The following DAB2 variants were observed in gnomAD, a reference collection of about 807,000 sequenced individuals.
DAB2 encodes the protein disabled homolog 2.
Under a neutral mutation model 71.6 loss-of-function variants are expected in DAB2, and 28 were observed. The observed-to-expected ratio is 0.39, with a 90% CI of 0.29 to 0.54. The LOEUF (loss-of-function observed/expected upper bound fraction) is 0.54, where lower values mean the gene tolerates loss of function less well. Ranked by LOEUF, DAB2 falls within the 20% of genes least tolerant of loss-of-function variation. The probability of loss-of-function intolerance (pLI) is 0.68; values close to 1 mark genes in which losing one functional copy is unlikely to be tolerated. For missense variants in DAB2, 867 were observed against 928.8 expected, an observed-to-expected ratio of 0.93 and a Z score of 0.86; for synonymous variants, 345 against 339.7, an observed-to-expected ratio of 1.02 and a Z score of -0.17.
intron 4 of DAB2, 165 bp downstream of exon 4, chr5:39,392,200 T>G (rs1385123315): frequency 3.1e-6 from 2 of 641,826 alleles, no homozygotes; most frequent in East Asian, 5.6e-5. Context: ...ATCTTGACTT[T>G]TACCTCCTAT....
At chr5:39,387,080 T>C (rs1331074589) in intron 9 of DAB2, among the ~76,000 whole-genome samples, 1 of 152,208 alleles carries the variant, frequency 6.6e-6, no homozygotes, top group African/African-American at 2.4e-5. Flanking sequence ...TGCATTGTGA[T>C]ACTCATATGG....
chr5:39,392,532 A>T (rs1480648726), intron 3 of DAB2, 69 bp from the exon 4 acceptor site: 1 of 1,208,938 alleles, frequency 8.3e-7, no homozygotes, highest in African/African-American at 1.5e-5. Context: ...TAATATTAAA[A>T]TTTTCAAAGT....
intron 11 of DAB2, among the ~76,000 whole-genome samples, chr5:39,379,443 CAA>C (rs33949918): frequency 2.8e-5 from 2 of 72,526 alleles, no homozygotes; most frequent in Middle Eastern, 0.013. Context: ...GACTCTGTCT[CAA>C]AAAAAAAAAA....
At chr5:39,385,518 C>T (rs1332874247) in intron 9 of DAB2, 1 of 152,140 alleles carries the variant, frequency 6.6e-6, no homozygotes, top group Non-Finnish European at 1.5e-5. Context: ...AACTGAGAGC[C>T]CAAAGACTCC....
chr5:39,389,920 C>T lies in DAB2; in HGVS notation c.475G>A (p.Val159Ile). ...IKTGQQAEPL[V>I]VDLKDLFQVI... ...TGAAAAAGGTCTTTAAGATCAACAA[C>T]TAATGGTTCAGCCTGCAGTAAGGGA... Residue 159 changes from valine (V) to isoleucine (I), a missense_variant, in exon 6 of 15, where the codon GTT becomes ATT. This residue lies in a region of DAB2 where 740 missense variants were observed against 734.3 expected (regional missense o/e 1.01). Coordinates refer to ENST00000320816, the MANE Select transcript of DAB2 (RefSeq NM_001343.4). 3 of 1,593,708 alleles carry T rather than the reference C, an allele frequency of 1.9e-6. No individual in the cohort carries two copies. The highest frequency in any genetic ancestry group is 2.6e-6 in the Non-Finnish European group (3 of 1,168,748).
At position 39,420,020 on chromosome 5, in the gene DAB2, G is replaced by A. The variant is rs149654737; in HGVS notation, c.-102+4784C>T. On this transcript the variant is annotated intron_variant, in intron 1 of 14. Transcript: ENST00000320816. ...CCACTGAATTATGAAAGTTACTCTT[G>A]GATCACGTGGTGGAGAGCTAGTTTA... Among the ~76,000 whole-genome samples the A allele has an allele frequency of 2.6e-3, 390 of 152,310 alleles. 13 individuals are homozygous for A. The South Asian group carries it at 0.04, about 15-fold the overall frequency.
chr5:39,391,807 G>C (rs1249450011), intron 4 of DAB2, among the ~76,000 whole-genome samples: 5 of 151,988 alleles, frequency 3.3e-5, no homozygotes, highest in Non-Finnish European at 5.9e-5. Context: ...GGTTACATCT[G>C]TGAGGTGAGA....
chr5:39,393,294 C>A lies in DAB2; in HGVS notation c.191G>T (p.Arg64Ile). The A allele has an allele frequency of 6.2e-7, 1 of 1,614,070 alleles. No individual in the cohort carries two copies. The highest frequency in any genetic ancestry group is 8.5e-7 in the Non-Finnish European group (1 of 1,179,978). ...AGAGTCTTGGCTCATTTTATCCCCT[C>A]TTGCATCTGGCACATCATCAATGCC... ...LIGIDDVPDA[R>I]GDKMSQDSMM... Residue 64 changes from arginine to isoleucine, a missense_variant, in exon 3 of 15, where the codon AGA (arginine) becomes ATA (isoleucine). Physicochemically the swap from Arg to Ile is moderately conservative, Grantham distance 97 (BLOSUM62 -3). This residue lies in a region of DAB2 where 127 missense variants were observed against 194.4 expected (regional missense o/e 0.65). Coordinates refer to ENST00000320816, the MANE Select transcript of DAB2 (RefSeq NM_001343.4).
intron 1 of DAB2, chr5:39,417,601 T>A (rs1755877828): frequency 6.6e-6 from 1 of 152,224 alleles, no homozygotes; most frequent in Non-Finnish European, 1.5e-5. Flanking sequence ...CAACACTCTG[T>A]ACCACTTAAC....
rs34167601 is a variant in DAB2 at position 39,383,071 on chromosome 5, A to T, written c.888T>A (p.Arg296=). The stretch of plus-strand genomic sequence containing the variant: ...GGTCTGGCTGTGTGAAAGGATCGTC[A>T]CGGAAAGGATCAGGATTAGGGGTGG... ...FFPTPNPDPF[R]DDPFTQPDQS... Residue 296 remains arginine (R), a synonymous_variant, in exon 10 of 15, where the codon CGT becomes CGA. Transcript: ENST00000320816. 6.2e-7 allele frequency: 1 copy of T among 1,614,028 alleles called. No homozygotes were observed. Among genetic ancestry groups the T allele is most frequent in the African/African-American group, 1.3e-5 (1 of 74,906 alleles).
chr5:39,387,911 CT>C (rs1270521935), intron 9 of DAB2: 1 of 155,832 alleles, frequency 6.4e-6, no homozygotes, highest in Admixed American at 6.5e-5. Context: ...CAAATTTATG[CT>C]GCTAAATTGC....
rs544024359 is a variant in DAB2 at position 39,373,324 on chromosome 5, C to A, written c.*107G>T. On this transcript the variant is annotated 3_prime_UTR_variant, in exon 15 of 15. Transcript: ENST00000320816. Reference sequence around the variant, plus strand: ...TAAGGCAACAGATAATACGTCAAAGCTGGAACAAGGGCAGAAATCAGAACG... The same window carrying A: ...TAAGGCAACAGATAATACGTCAAAGATGGAACAAGGGCAGAAATCAGAACG... 6.6e-6 allele frequency: 1 copy of A among 152,528 alleles called. No homozygotes were observed. The highest frequency in any genetic ancestry group is 2.1e-4 in the South Asian group (1 of 4,812). 9.4% of individuals were successfully genotyped at this position (152,528 alleles called of 1,614,324 possible).
At chr5:39,379,768 C>T (rs1022407577) in intron 11 of DAB2, among the ~76,000 whole-genome samples, 3 of 151,266 alleles carry the variant, frequency 2.0e-5, no homozygotes, top group Non-Finnish European at 2.9e-5. Flanking sequence ...CTGGGTCTAG[C>T]GGAAGCCAGA....
At chr5:39,416,949 G>C (rs138894700) in intron 1 of DAB2, among the ~76,000 whole-genome samples, 1 of 152,114 alleles carries the variant, frequency 6.6e-6, no homozygotes, top group Non-Finnish European at 1.5e-5. Context: ...AGAAATATAG[G>C]CTTTTCTTCA....
At chr5:39,381,387 C>T in intron 11 of DAB2, 67 bp downstream of exon 11, 1 of 1,505,360 alleles carries the variant, frequency 6.6e-7, no homozygotes, top group Non-Finnish European at 9.1e-7. Flanking sequence ...GAAATCTCTT[C>T]CGATGCATCA....
chr5:39,407,385 A>C (rs1404317318), intron 1 of DAB2, among the ~76,000 whole-genome samples: 1 of 152,020 alleles, frequency 6.6e-6, no homozygotes, highest in African/African-American at 2.4e-5. Context: ...CTGCCTGGCT[A>C]ATTTTTGTAT....
At chr5:39,388,765 T>A in intron 8 of DAB2, 34 bp downstream of exon 8, 1 of 1,577,424 alleles carries the variant, frequency 6.3e-7, no homozygotes, top group Non-Finnish European at 8.7e-7. Flanking sequence ...TTCAGATAAG[T>A]AAGAACTGTC....
chr5:39,377,107 G>C lies in DAB2; in HGVS notation c.1680C>G (p.Pro560=). 3 of 1,614,162 alleles carry C rather than the reference G, an allele frequency of 1.9e-6. No homozygotes were observed. Among genetic ancestry groups the C allele is most frequent in the Non-Finnish European group, 2.5e-6 (3 of 1,180,018 alleles). ...PAVSGWNQPS[P]FAASTPPPVP... is the part of the protein sequence containing the mutation. ...CTGGAGGGGGAGTTGAGGCTGCAAA[G>C]GGTGAAGGCTGGTTCCAACCTGAAA... The change falls in exon 12 of 15, where the codon CCC becomes CCG. Residue 560 remains proline (P), a synonymous_variant. Transcript: ENST00000320816.
Position 39,376,893 on chromosome 5 carries a change from T to A in DAB2, c.1894A>T (p.Ile632Phe), listed in dbSNP as rs776295193. ...PPPRAGPPKDISSDAFTALDP... is the reference protein window; with the variant it reads ...PPPRAGPPKDFSSDAFTALDP... ...AAGGCAGTGAAGGCATCACTGGAGATGTCCTTGGGAGGGCCAGCTCTGGGA... is the reference window on the plus strand; with the variant it reads ...AAGGCAGTGAAGGCATCACTGGAGAAGTCCTTGGGAGGGCCAGCTCTGGGA... The change falls in exon 12 of 15, where the codon ATC (isoleucine) becomes TTC (phenylalanine). Residue 632 changes from isoleucine to phenylalanine, a missense_variant. Around this residue, in one of 2 missense-constraint regions of DAB2, gnomAD observed 740 missense variants for 734.3 expected, o/e 1.01. Coordinates refer to ENST00000320816, the MANE Select transcript of DAB2 (RefSeq NM_001343.4). The A allele has an allele frequency of 6.2e-7, 1 of 1,614,118 alleles. No individual in the cohort carries two copies. Among genetic ancestry groups the A allele is most frequent in the South Asian group, 1.1e-5 (1 of 91,078 alleles).
Sources: allele counts gnomAD v4.1 joint callset (sites outside exome capture counted in the v4.1 genomes callset), GRCh38; gene constraint gnomAD v4.1.1; regional missense constraint gnomAD v4.1.1; transcripts MANE v1.5; gene names NCBI Gene and HGNC (gene_info 2026-07-23, HGNC 2026-07-21).